CEP41: variants seen among roughly 807,000 people sequenced by gnomAD.
CEP41 encodes the protein centrosomal protein 41, also known as centrosomal protein of 41 kDa.
Under a neutral mutation model 44.3 loss-of-function variants are expected in CEP41, and 32 were observed. That is an observed-to-expected ratio of 0.72 (90% CI 0.54 to 0.97). The LOEUF is 0.97. Among genes scored for constraint, CEP41 ranks in the 50% least tolerant of loss-of-function variants. The pLI is 0.00. For synonymous variants in CEP41, 151 were observed against 168.5 expected (o/e 0.90, Z 0.80); for missense variants, 432 against 455.2 (o/e 0.95, Z 0.46).
chr7:130,440,583 C>T, intron 1 of CEP41: 1 of 481,254 alleles, frequency 2.1e-6, no homozygotes, highest in East Asian at 4.0e-5. Flanking sequence ...TGGCTTTCAA[C>T]ACGTGCCATT....
rs186975929 is a variant in CEP41 at position 130,419,472 on chromosome 7, C to T, written c.98-2506G>A. On this transcript the variant is annotated intron_variant, in intron 2 of 10. Coordinates refer to ENST00000223208, the MANE Select transcript of CEP41 (RefSeq NM_018718.3). ...TGCATCTGAAGATAGTTTCTGACTA[C>T]CTTTTAAAAAGATTGGAAATGAATC... 591 of 984,348 alleles carry T rather than the reference C, an allele frequency of 6.0e-4. 2 individuals carry two copies. The African/African-American group carries it at 9.6e-3, about 16-fold the overall frequency. The allele number at this position is 984,348 out of a possible 1,614,324, so 61.0% of individuals were successfully genotyped here.
rs1316863441 is a variant in CEP41 at position 130,396,887 on chromosome 7, C to T, written c.*2004G>A. 1 of 446,994 alleles carries T rather than the reference C, an allele frequency of 2.2e-6. No individual in the cohort carries two copies. The highest frequency in any genetic ancestry group is 2.0e-5 in the African/African-American group (1 of 49,540). The allele number at this position is 446,994 out of a possible 1,614,324, so 27.7% of individuals were successfully genotyped here. A position where few individuals can be genotyped will look rare whatever the true frequency, so the allele number is the denominator to read the frequency against. On this transcript the variant is annotated 3_prime_UTR_variant, in exon 11 of 11. Coordinates refer to ENST00000223208, the MANE Select transcript of CEP41 (RefSeq NM_018718.3). ...CATATATACAGTGGTTTCTAATACT[C>T]CAAAGTTGTCTGACGATGGGAACGC... is the stretch of plus-strand genomic sequence containing the variant.
chr7:130,441,023 A>C (rs549619845), upstream of CEP41: 1 of 1,576,436 alleles, frequency 6.3e-7, no homozygotes, highest in Non-Finnish European at 8.7e-7. Context: ...CTCTAACCCT[A>C]GCTTCCTACC....
rs1554414566 is a variant in CEP41, at chr7:130,396,458, T to C, written c.*2433A>G. ...CAGCAAAAATCACACCAGTCTCCTG[T>C]GGCTCCCCCAAATCATCTCGACAGA... On this transcript the variant is annotated 3_prime_UTR_variant, in exon 11 of 11. Transcript: ENST00000223208. The C allele has an allele frequency of 8.8e-6, 4 of 454,434 alleles. No individual in the cohort carries two copies. The highest frequency in any genetic ancestry group is 1.8e-5 in the Non-Finnish European group (4 of 226,790). The allele number at this position is 454,434 out of a possible 1,614,324, so 28.2% of individuals were successfully genotyped here.
chr7:130,407,253 AAC>A (rs60030288), intron 5 of CEP41, among the ~76,000 whole-genome samples: 61,549 of 128,902 alleles, frequency 0.48, 13,445 homozygotes, highest in Admixed American at 0.57. Flanking sequence ...AACAAGAGTA[AAC>A]ACACACACAC....
Position 130,400,816 on chromosome 7 carries a change from AT to A in CEP41, c.647del (p.Asn216MetfsTer39). 1 of 1,607,486 alleles carries A rather than the reference AT, an allele frequency of 6.2e-7. No homozygotes were observed. The highest frequency in any genetic ancestry group is 8.5e-7 in the Non-Finnish European group (1 of 1,175,556). On this transcript the variant is annotated frameshift_variant, in exon 9 of 11. Coordinates refer to ENST00000223208, the MANE Select transcript of CEP41 (RefSeq NM_018718.3). LOFTEE classifies it high-confidence loss of function. ...ACAGAATGATGATCTTGCCATGGGC[AT>A]TTTTCTAAGAGTCAGATGAGTTAAG... Reference protein sequence around the residue: ...PYSNDILEYKNAHGKIIILYD... With the variant: ...PYSNDILEYKXAHGKIIILYD...
chr7:130,435,389 A>G (rs1483596817), intron 1 of CEP41, among the ~76,000 whole-genome samples: 2 of 152,152 alleles, frequency 1.3e-5, no homozygotes, highest in African/African-American at 4.8e-5. Context: ...ACACAAAAGG[A>G]AACAAAAACT....
chr7:130,394,557 C>A lies in CEP41; in HGVS notation c.*4334G>T. On this transcript the variant is annotated 3_prime_UTR_variant, in exon 11 of 11. Transcript: ENST00000223208. ...GCCTGGCAGAGACAGGGTAATAACA[C>A]CCCCAGCAGCTCTCTGGGTACTTCC... 2.2e-6 allele frequency: 1 copy of A among 454,024 alleles called. No individual in the cohort carries two copies. Among genetic ancestry groups the A allele is most frequent in the South Asian group, 1.6e-5 (1 of 64,450 alleles). 28.1% of individuals were successfully genotyped at this position (454,024 alleles called of 1,614,324 possible).
At chr7:130,406,635 A>ATATT (rs1372922096) in intron 5 of CEP41, among the ~76,000 whole-genome samples, 1 of 152,134 alleles carries the variant, frequency 6.6e-6, no homozygotes, top group Non-Finnish European at 1.5e-5. Context: ...ATTAAAGAGG[A>ATATT]TATTAAATTT....
intron 1 of CEP41, among the ~76,000 whole-genome samples, chr7:130,429,687 C>T (rs1797768621): frequency 6.6e-6 from 1 of 152,234 alleles, no homozygotes; most frequent in Non-Finnish European, 1.5e-5. Context: ...CCTAGAATGC[C>T]TTTCCTTCAC....
At chr7:130,399,984 G>T in intron 10 of CEP41, 55 bp downstream of exon 10, 1 of 1,118,914 alleles carries the variant, frequency 8.9e-7, no homozygotes. Context: ...CATATGATGA[G>T]GTGATATTCA....
At chr7:130,420,864 GTTATT>G (rs1165481730) in intron 2 of CEP41, 1 of 900,544 alleles carries the variant, frequency 1.1e-6, no homozygotes, top group Non-Finnish European at 1.3e-6. Flanking sequence ...CTTATAATGA[GTTATT>G]TTATAATGCA....
At chr7:130,425,359 G>A (rs1343470261) in intron 2 of CEP41, among the ~76,000 whole-genome samples, 1 of 152,172 alleles carries the variant, frequency 6.6e-6, no homozygotes, top group Non-Finnish European at 1.5e-5. Flanking sequence ...GTTGCAGCGA[G>A]CCAAGATCAT....
Position 130,397,327 on chromosome 7 carries a change from T to G in CEP41, c.*1564A>C, listed in dbSNP as rs536041553. On this transcript the variant is annotated 3_prime_UTR_variant, in exon 11 of 11. Transcript: ENST00000223208. ...ACATCTGAACAATGTCCCTGGTTTG[T>G]TTGATTTCTAAAGCATCGGAAAATG... 3.1e-5 allele frequency: 14 copies of G among 454,470 alleles called. No individual in the cohort carries two copies. Among genetic ancestry groups the G allele is most frequent in the South Asian group, 2.2e-4 (14 of 64,462 alleles). 28.2% of individuals were successfully genotyped at this position (454,470 alleles called of 1,614,324 possible).
At position 130,400,165 on chromosome 7, in the gene CEP41, C is replaced by A. The variant is rs782005408; in HGVS notation, c.847G>T (p.Ala283Ser). Residue 283 changes from alanine to serine, a missense_variant, in exon 10 of 11, where the codon GCC (alanine) becomes TCC (serine). By Grantham distance (99) the Ala-to-Ser change is moderately conservative. Coordinates refer to ENST00000223208, the MANE Select transcript of CEP41 (RefSeq NM_018718.3). ...CCTTTGGGGCTGGATCGTTTCCGGG[C>A]AGACCCAGGAGGAAGGGCCTGCTGG... ...SCQQALPPGS[A>S]RKRSSPKGPP... 16 of 1,613,910 alleles carry A rather than the reference C, an allele frequency of 9.9e-6. No individual in the cohort carries two copies. Among genetic ancestry groups the A allele is most frequent in the Non-Finnish European group, 1.3e-5 (15 of 1,179,910 alleles).
chr7:130,406,804 C>A (rs546271007), intron 5 of CEP41, among the ~76,000 whole-genome samples: 1 of 150,064 alleles, frequency 6.7e-6, no homozygotes, highest in East Asian at 2.0e-4. Context: ...ACAACTGCAG[C>A]TATAAAATAT....
chr7:130,402,546 TCC>T (rs1796883087), intron 7 of CEP41, 100 bp downstream of exon 7: 1 of 1,269,878 alleles, frequency 7.9e-7, no homozygotes, highest in Non-Finnish European at 1.2e-6. Flanking sequence ...ACATACGGTT[TCC>T]TCAACTGTCT....
chr7:130,440,873 A>G, intron 1 of CEP41, 61 bp downstream of exon 1: 1 of 1,398,352 alleles, frequency 7.2e-7, no homozygotes, highest in Non-Finnish European at 9.5e-7. Flanking sequence ...TTCCCTGCCC[A>G]CATGAGCCTT....
chr7:130,394,041 A>G lies in CEP41; in HGVS notation c.*4850T>C, dbSNP rs1013052630. ...ATTTCCATCGCCTTTTGTGCAGGCA[A>G]GCGGAGGAAAGTTTTCAAAAGAATC... On this transcript the variant is annotated 3_prime_UTR_variant, in exon 11 of 11. Coordinates refer to ENST00000223208, the MANE Select transcript of CEP41 (RefSeq NM_018718.3). The G allele has an allele frequency of 6.6e-6, 3 of 454,076 alleles. No individual in the cohort carries two copies. Among genetic ancestry groups the G allele is most frequent in the Admixed American group, 2.3e-5 (1 of 42,572 alleles). 28.1% of individuals were successfully genotyped at this position (454,076 alleles called of 1,614,324 possible).
Sources: allele counts gnomAD v4.1 joint callset (sites outside exome capture counted in the v4.1 genomes callset), GRCh38; gene constraint gnomAD v4.1.1; transcripts MANE v1.5; gene names NCBI Gene and HGNC (gene_info 2026-07-23, HGNC 2026-07-21).